Variants in ABCA13 observed in about 807,000 individuals in gnomAD.
ABCA13 encodes the protein ATP binding cassette subfamily A member 13, also known as ATP-binding cassette sub-family A member 13.
Under a neutral mutation model 478.7 loss-of-function variants are expected in ABCA13, and 476 were observed. That is an observed-to-expected ratio of 0.99 (90% CI 0.92 to 1.07). The LOEUF is 1.07. Ranked by LOEUF, ABCA13 falls within the 50% of genes least tolerant of loss-of-function variation. The pLI, the probability that ABCA13 is intolerant of heterozygous loss-of-function variation, is 0.00. For missense variants in ABCA13, 6,060 were observed against 5,910.6 expected (o/e 1.03, Z -0.83); for synonymous variants, 2,252 against 2,158.9 (o/e 1.04, Z -1.20).
rs191772910 is a variant in ABCA13, at chr7:48,417,576, C to A, written c.12459+4993C>A. Reference sequence around the variant, plus strand: ...ATTCTCAGCAAAATTGAGCAGAATGCACAAATTGTGCATTCTGTGTCCCTC... The same window carrying A: ...ATTCTCAGCAAAATTGAGCAGAATGAACAAATTGTGCATTCTGTGTCCCTC... On this transcript the variant is annotated intron_variant, in intron 41 of 61. Coordinates refer to ENST00000435803, the MANE Select transcript of ABCA13 (RefSeq NM_152701.5). Among the ~76,000 whole-genome samples, 43 of 152,240 alleles carry A rather than the reference C, an allele frequency of 2.8e-4. No individual in the cohort carries two copies. In the East Asian group the frequency reaches 7.4e-3, roughly 26 times the overall value.
chr7:48,337,332 C>T (rs923433062), intron 28 of ABCA13, among the ~76,000 whole-genome samples: 6 of 152,166 alleles, frequency 3.9e-5, no homozygotes, highest in African/African-American at 1.4e-4. Context: ...TGACATGATG[C>T]ATAATAACTA....
chr7:48,266,820 G>A (rs1794928199), intron 15 of ABCA13, among the ~76,000 whole-genome samples: 1 of 151,756 alleles, frequency 6.6e-6, no homozygotes, highest in Non-Finnish European at 1.5e-5. Context: ...GGTGTTTAAT[G>A]GTATACATTT....
At chr7:48,374,629 T>G (rs971282251) in intron 34 of ABCA13, among the ~76,000 whole-genome samples, 1 of 152,200 alleles carries the variant, frequency 6.6e-6, no homozygotes, top group Non-Finnish European at 1.5e-5. Flanking sequence ...CATCCCTTGC[T>G]TCAGACACTA....
At chr7:48,480,787 C>T (rs1483276847) in intron 45 of ABCA13, among the ~76,000 whole-genome samples, 1 of 152,168 alleles carries the variant, frequency 6.6e-6, no homozygotes, top group Non-Finnish European at 1.5e-5. Flanking sequence ...TCTGCCCAAA[C>T]TTACATACAG....
In ABCA13 at chr7:48,219,433, G is replaced by C; in HGVS notation, c.367G>C (p.Glu123Gln). 2 of 1,613,456 alleles carry C rather than the reference G, an allele frequency of 1.2e-6. No individual in the cohort carries two copies. Among genetic ancestry groups the C allele is most frequent in the Non-Finnish European group, 1.7e-6 (2 of 1,179,696 alleles). Residue 123 changes from glutamate to glutamine, a missense_variant, in exon 4 of 62, where the codon GAG (glutamate) becomes CAG (glutamine). Around this residue, in one of 3 missense-constraint regions of ABCA13, gnomAD observed 4,423 missense variants for 4,309.1 expected, o/e 1.03. Coordinates refer to ENST00000435803, the MANE Select transcript of ABCA13 (RefSeq NM_152701.5). ...AFLKEIQDLA[E>Q]EIHGMMDKAK... The stretch of plus-strand genomic sequence containing the variant: ...TTTAAAAGAGATACAAGACCTGGCA[G>C]AGGAAATTCATGGAATGATGGACAA...
intron 31 of ABCA13, among the ~76,000 whole-genome samples, chr7:48,362,491 T>C (rs1056853444): frequency 5.3e-5 from 8 of 150,864 alleles, no homozygotes; most frequent in African/African-American, 1.9e-4. Context: ...AAATTTTTTC[T>C]GAAGCATTTT....
chr7:48,545,514 A>G (rs766512700), intron 55 of ABCA13, among the ~76,000 whole-genome samples: 1 of 151,768 alleles, frequency 6.6e-6, no homozygotes, highest in Non-Finnish European at 1.5e-5. Context: ...ACTTTTAAGA[A>G]GAAAACACAA....
chr7:48,442,402 T>C (rs17729821), intron 42 of ABCA13, among the ~76,000 whole-genome samples: 45,287 of 152,142 alleles, frequency 0.3, 6,829 homozygotes, highest in East Asian at 0.38. Flanking sequence ...CATGAAACTC[T>C]CATCCAGGCA....
chr7:48,570,085 A>G (rs1787461116), intron 55 of ABCA13, among the ~76,000 whole-genome samples: 1 of 151,338 alleles, frequency 6.6e-6, no homozygotes, highest in Admixed American at 6.6e-5. Context: ...TGAATTGTCT[A>G]TTTCTCCCTT....
At chr7:48,176,762 G>C (rs1794938445) in intron 1 of ABCA13, among the ~76,000 whole-genome samples, 1 of 152,096 alleles carries the variant, frequency 6.6e-6, no homozygotes, top group African/African-American at 2.4e-5. Flanking sequence ...CCTGGGGCTA[G>C]GTAGGGAGCT....
chr7:48,249,138 A>G, intron 14 of ABCA13, 74 bp from the exon 15 acceptor site: 2 of 1,401,830 alleles, frequency 1.4e-6, no homozygotes, highest in Non-Finnish European at 1.9e-6. Flanking sequence ...TGTTTTTAGA[A>G]AAATTTATAA....
chr7:48,594,511 G>A (rs987330546), intron 57 of ABCA13, among the ~76,000 whole-genome samples, 199 bp from the exon 58 acceptor site: 1 of 152,044 alleles, frequency 6.6e-6, no homozygotes, highest in South Asian at 2.1e-4. Flanking sequence ...GAGGAGTCAG[G>A]CCCTCACTCA....
chr7:48,241,799 T>C (rs1368649633), intron 10 of ABCA13, among the ~76,000 whole-genome samples: 1 of 152,252 alleles, frequency 6.6e-6, no homozygotes, highest in Non-Finnish European at 1.5e-5. Context: ...TGTGTTCTTA[T>C]GATTACTTAA....
chr7:48,252,179 G>A (rs1056038967), intron 15 of ABCA13, among the ~76,000 whole-genome samples: 3 of 151,948 alleles, frequency 2.0e-5, no homozygotes, highest in African/African-American at 7.2e-5. Context: ...TGTCTCATAA[G>A]TTCCTTGGGC....
At position 48,410,545 on chromosome 7, in the gene ABCA13, C is replaced by T; in HGVS notation, c.12096C>T (p.His4032=). 1 of 1,614,044 alleles carries T rather than the reference C, an allele frequency of 6.2e-7. No homozygotes were observed. The highest frequency in any genetic ancestry group is 1.1e-5 in the South Asian group (1 of 91,088). ...GTCGTACGATCATCTTCACAACCCA[C>T]CACCTGGATGAAGCTGAAGCGCTGA... ...REGRTIIFTT[H]HLDEAEALSD... Residue 4032 remains histidine (H), a synonymous_variant, in exon 40 of 62, where the codon CAC becomes CAT. Transcript: ENST00000435803.
At position 48,273,010 on chromosome 7, in the gene ABCA13, G is replaced by A. The variant is rs1170623221; in HGVS notation, c.3344G>A (p.Ser1115Asn). The change falls in exon 17 of 62, where the codon AGT becomes AAT. Residue 1115 changes from serine (S) to asparagine (N), a missense_variant. By Grantham distance (46) the Ser-to-Asn change is conservative. Around this residue, in one of 3 missense-constraint regions of ABCA13, gnomAD observed 4,423 missense variants for 4,309.1 expected, o/e 1.03. Coordinates refer to ENST00000435803, the MANE Select transcript of ABCA13 (RefSeq NM_152701.5). ...KHISSVNYST[S>N]EESSFVFPLA... ...ATTTCTTCCGTAAATTATTCAACAAGTGAGGAGTCTTCATTTGTTTTTCCA... is the reference window on the plus strand; with the variant it reads ...ATTTCTTCCGTAAATTATTCAACAAATGAGGAGTCTTCATTTGTTTTTCCA... 3 of 1,613,644 alleles carry A rather than the reference G, an allele frequency of 1.9e-6. No homozygotes were observed. Among genetic ancestry groups the A allele is most frequent in the Non-Finnish European group, 1.7e-6 (2 of 1,179,742 alleles).
At chr7:48,337,566 G>A (rs1382413577) in intron 28 of ABCA13, among the ~76,000 whole-genome samples, 2 of 152,188 alleles carry the variant, frequency 1.3e-5, no homozygotes, top group Non-Finnish European at 2.9e-5. Flanking sequence ...TGTGCTATTA[G>A]GTTATGTGCT....
At chr7:48,228,372 G>T (rs2128986097) in intron 6 of ABCA13, among the ~76,000 whole-genome samples, 1 of 152,288 alleles carries the variant, frequency 6.6e-6, no homozygotes, top group African/African-American at 2.4e-5. Flanking sequence ...ACCAGATCAT[G>T]GTCAAGCCTC....
intron 59 of ABCA13, chr7:48,627,212 C>A: frequency 3.4e-6 from 1 of 292,926 alleles, no homozygotes; most frequent in Non-Finnish European, 5.1e-6. Context: ...AAAACAGAGT[C>A]AGTATTGAGA....
Sources: gnomAD v4.1 joint callset for allele counts (sites outside exome capture counted in the v4.1 genomes callset) on GRCh38, gnomAD v4.1.1 for gene constraint, gnomAD v4.1.1 regional missense constraint, MANE v1.5 for transcripts, NCBI Gene and HGNC (gene_info 2026-07-23, HGNC 2026-07-21) for gene names.